CDH20: variants seen among roughly 807,000 people sequenced by gnomAD.
CDH20 encodes cadherin 20.
Under a neutral mutation model 74.2 loss-of-function variants are expected in CDH20, and 29 were observed. The ratio of observed to expected loss-of-function variants is 0.39; its 90% CI spans 0.29 to 0.53. The LOEUF (loss-of-function observed/expected upper bound fraction) is 0.53. CDH20 is among the 20% of genes least tolerant of loss of function. The pLI is 0.69. For synonymous variants in CDH20, 469 were observed against 405.4 expected (o/e 1.16, Z -1.88); for missense variants, 988 against 1,048.3 (o/e 0.94, Z 0.79).
intron 10 of CDH20, among the ~76,000 whole-genome samples, chr18:61,548,714 C>G (rs1422329937): frequency 1.3e-5 from 2 of 152,194 alleles, no homozygotes; most frequent in Non-Finnish European, 2.9e-5. Context: ...CGCTCTGCAT[C>G]TCACACCCTG....
intron 6 of CDH20, among the ~76,000 whole-genome samples, chr18:61,525,116 A>T (rs965722790): frequency 1.3e-5 from 2 of 152,092 alleles, no homozygotes; most frequent in African/African-American, 4.8e-5. Flanking sequence ...TTGACTACAA[A>T]GGGGCACAGA....
At chr18:61,339,701 T>TTTTTTTTTTTTTTTTTTTTTTTTTTC (rs58434671) in intron 1 of CDH20, among the ~76,000 whole-genome samples, 1 of 122,944 alleles carries the variant, frequency 8.1e-6, no homozygotes, top group Non-Finnish European at 1.6e-5. Context: ...TTTTTTTTTT[T>TTTTTTTTTTTTTTTTTTTTTTTTTTC]TTTTGAGATG....
At chr18:61,532,726 T>G (rs1326896027) in intron 7 of CDH20, among the ~76,000 whole-genome samples, 1 of 152,160 alleles carries the variant, frequency 6.6e-6, no homozygotes, top group Non-Finnish European at 1.5e-5. Context: ...TGAAAAACAA[T>G]GCACTATAGT....
At position 61,356,850 on chromosome 18, in the gene CDH20, G is replaced by A. The variant is rs148689161; in HGVS notation, c.-153+23023G>A. Among the ~76,000 whole-genome samples, 919 of 152,218 alleles carry A rather than the reference G, an allele frequency of 6.0e-3. 7 individuals are homozygous for A. The highest frequency in any genetic ancestry group is 6.9e-3 in the Admixed American group (106 of 15,286). On this transcript the variant is annotated intron_variant, in intron 1 of 11. Coordinates refer to ENST00000262717, the MANE Select transcript of CDH20 (RefSeq NM_031891.4). ...CAGAGTACATAAACCACTAATTAAC[G>A]TTCATCATCGTCATTTAAACATCTG...
chr18:61,440,405 TA>T (rs1908989166), intron 1 of CDH20, among the ~76,000 whole-genome samples: 1 of 152,088 alleles, frequency 6.6e-6, no homozygotes. Context: ...AAAGAAATAG[TA>T]AAAACTACTA....
chr18:61,518,683 G>A (rs1341082445), intron 6 of CDH20, among the ~76,000 whole-genome samples: 1 of 151,376 alleles, frequency 6.6e-6, no homozygotes, highest in Non-Finnish European at 1.5e-5. Flanking sequence ...CAAAAAGGCT[G>A]AAAATTCCAA....
chr18:61,444,288 A>G (rs2144324354), intron 1 of CDH20, among the ~76,000 whole-genome samples: 1 of 152,266 alleles, frequency 6.6e-6, no homozygotes, highest in South Asian at 2.1e-4. Context: ...TATCAAAGGT[A>G]TGGGTATATA....
intron 1 of CDH20, among the ~76,000 whole-genome samples, chr18:61,470,895 C>G (rs954273804): frequency 2.7e-5 from 4 of 148,678 alleles, no homozygotes; most frequent in African/African-American, 1.0e-4. Context: ...CCCTCCCTCC[C>G]TCTCTCTCCC....
chr18:61,427,156 C>T (rs960147950), intron 1 of CDH20, among the ~76,000 whole-genome samples: 1 of 151,946 alleles, frequency 6.6e-6, no homozygotes, highest in Non-Finnish European at 1.5e-5. Context: ...TGTAGATTTC[C>T]GTTCACTTCC....
chr18:61,446,839 G>T (rs1209877139), intron 1 of CDH20, among the ~76,000 whole-genome samples: 1 of 152,168 alleles, frequency 6.6e-6, no homozygotes, highest in African/African-American at 2.4e-5. Flanking sequence ...TGTCGGGAAG[G>T]CTCATCCTAA....
chr18:61,346,709 A>G (rs2144102579), intron 1 of CDH20, among the ~76,000 whole-genome samples: 1 of 152,332 alleles, frequency 6.6e-6, no homozygotes, highest in African/African-American at 2.4e-5. Context: ...AATTGAGAGA[A>G]CAGAAGAGGT....
At chr18:61,439,489 T>C (rs998016023) in intron 1 of CDH20, among the ~76,000 whole-genome samples, 3 of 152,162 alleles carry the variant, frequency 2.0e-5, no homozygotes, top group African/African-American at 7.2e-5. Flanking sequence ...GATTCCAATA[T>C]ACCATAAATA....
At chr18:61,486,671 C>A (rs1228208371) in intron 1 of CDH20, among the ~76,000 whole-genome samples, 3 of 152,016 alleles carry the variant, frequency 2.0e-5, no homozygotes, top group African/African-American at 7.3e-5. Context: ...TTTCTATAAG[C>A]AAAAATGATA....
At chr18:61,439,631 T>C (rs1191136271) in intron 1 of CDH20, among the ~76,000 whole-genome samples, 1 of 152,200 alleles carries the variant, frequency 6.6e-6, no homozygotes, top group African/African-American at 2.4e-5. Context: ...AAAATCATTT[T>C]ATAATTAGAG....
intron 1 of CDH20, among the ~76,000 whole-genome samples, chr18:61,354,331 G>A (rs546573820): frequency 3.7e-4 from 57 of 152,214 alleles, no homozygotes; most frequent in Admixed American, 1.1e-3. Flanking sequence ...TAGGTCTCCC[G>A]GTGTGGTGGC....
chr18:61,364,457 C>T (rs145935272), intron 1 of CDH20, among the ~76,000 whole-genome samples: 23 of 152,302 alleles, frequency 1.5e-4, no homozygotes, highest in Admixed American at 5.2e-4. Flanking sequence ...GAATTACAGG[C>T]ATGCGCCACC....
chr18:61,380,075 C>T (rs532392252), intron 1 of CDH20, among the ~76,000 whole-genome samples: 52 of 152,222 alleles, frequency 3.4e-4, no homozygotes, highest in African/African-American at 1.2e-3. Flanking sequence ...ACAAGACTGT[C>T]GATTTAGAGT....
At chr18:61,437,048 A>T (rs968172640) in intron 1 of CDH20, among the ~76,000 whole-genome samples, 9 of 152,288 alleles carry the variant, frequency 5.9e-5, no homozygotes, top group Admixed American at 2.0e-4. Flanking sequence ...TAGGCACTCA[A>T]TGAATAATGG....
Position 61,554,407 on chromosome 18 carries a change from G to C in CDH20, c.2118G>C (p.Glu706Asp), listed in dbSNP as rs746850806. Residue 706 changes from glutamate (E) to aspartate (D), a missense_variant, in exon 12 of 12, where the codon GAG (glutamate) becomes GAC (aspartate). Physicochemically the swap from Glu to Asp is conservative, Grantham distance 45. Transcript: ENST00000262717. The stretch of plus-strand genomic sequence containing the variant: ...GGCAGGACATGCTGCCCGAGATCGA[G>C]AGCCTCTCCCGCTACGTGCCTCAGA... ...KTRQDMLPEI[E>D]SLSRYVPQTC... The C allele has an allele frequency of 1.9e-6, 3 of 1,612,878 alleles. No homozygotes were observed. Among genetic ancestry groups the C allele is most frequent in the African/African-American group, 1.3e-5 (1 of 74,926 alleles).
Sources: gnomAD v4.1 joint callset for allele counts (sites outside exome capture counted in the v4.1 genomes callset) on GRCh38, gnomAD v4.1.1 for gene constraint, MANE v1.5 for transcripts, NCBI Gene and HGNC (gene_info 2026-07-23, HGNC 2026-07-21) for gene names.